Variants in SIN3A observed in about 807,000 individuals in gnomAD.
The protein encoded by SIN3A is paired amphipathic helix protein Sin3a.
In SIN3A, 14 loss-of-function variants were observed where a neutral mutation model predicts 146.1. That is an observed-to-expected ratio of 0.10 (90% CI 0.06 to 0.15). SIN3A has a LOEUF of 0.15. SIN3A is among the 10% of genes least tolerant of loss of function. The pLI is 1.00. For synonymous variants in SIN3A, 572 were observed against 572.0 expected (o/e 1.00, Z 0.00); for missense variants, 1,028 against 1,576.0 (o/e 0.65, Z 5.89).
At position 75,370,132 on chromosome 15, in the gene SIN3A, G is replaced by A. The variant is rs559796776; in HGVS notation, c.*1847C>T. 6.6e-6 allele frequency: 1 copy of A among 152,418 alleles called. No homozygotes were observed. Among genetic ancestry groups the A allele is most frequent in the South Asian group, 2.0e-4 (1 of 5,064 alleles). The allele number at this position is 152,418 out of a possible 1,614,324, so 9.4% of individuals were successfully genotyped here. A position where few individuals can be genotyped will look rare whatever the true frequency, so the allele number is the denominator to read the frequency against. On this transcript the variant is annotated 3_prime_UTR_variant, in exon 21 of 21. Transcript: ENST00000394947. ...GGGCGTGGTGGCATGCAGCTACTCA[G>A]GAGGCCGAGGTGGGAGGACTGCTTG...
intron 12 of SIN3A, 105 bp from the exon 13 acceptor site, chr15:75,396,601 C>A: frequency 1.3e-6 from 1 of 777,250 alleles, no homozygotes; most frequent in Non-Finnish European, 2.1e-6. Flanking sequence ...GGATTTGAAT[C>A]CTGGTTCTGC....
chr15:75,412,997 G>T lies in SIN3A; in HGVS notation c.522C>A (p.Gly174=). ...VISRVSQLFK[G]HPDLIMGFNT... is the part of the protein sequence containing the mutation. ...TGAATCCCATTATCAGATCGGGGTG[G>T]CCTTTGAATAGCTGGGACACACGAC... The change falls in exon 5 of 21, where the codon GGC becomes GGA. Residue 174 remains glycine (G), a synonymous_variant. Transcript: ENST00000394947. 1 of 1,614,016 alleles carries T rather than the reference G, an allele frequency of 6.2e-7. No individual in the cohort carries two copies. Among genetic ancestry groups the T allele is most frequent in the Non-Finnish European group, 8.5e-7 (1 of 1,179,964 alleles).
At chr15:75,374,553 A>G in intron 20 of SIN3A, among the ~76,000 whole-genome samples, 1 of 152,190 alleles carries the variant, frequency 6.6e-6, no homozygotes, top group Non-Finnish European at 1.5e-5. Context: ...ACTCCAAGCT[A>G]TCTTTGTCAA....
intron 12 of SIN3A, 72 bp downstream of exon 12, chr15:75,399,968 A>C: frequency 1.2e-6 from 1 of 843,316 alleles, no homozygotes; most frequent in African/African-American, 1.7e-5. Flanking sequence ...AATAACCCTC[A>C]GAGACAGGTA....
upstream of SIN3A, among the ~76,000 whole-genome samples, chr15:75,454,217 C>T (rs1208608499): frequency 1.3e-5 from 2 of 152,076 alleles, no homozygotes; most frequent in Non-Finnish European, 1.5e-5. Context: ...AGGCGGAGCT[C>T]GGGAGAATGT....
intron 16 of SIN3A, among the ~76,000 whole-genome samples, chr15:75,388,067 CA>C (rs1419604056): frequency 6.6e-6 from 1 of 152,142 alleles, no homozygotes; most frequent in Non-Finnish European, 1.5e-5. Flanking sequence ...AAAACCAAGG[CA>C]AAAGCATGGG....
intron 1 of SIN3A, among the ~76,000 whole-genome samples, chr15:75,437,268 G>A (rs2074124171): frequency 6.6e-6 from 1 of 151,836 alleles, no homozygotes; most frequent in Non-Finnish European, 1.5e-5. Context: ...AACCTCCTGG[G>A]CTCAAGTAAT....
At chr15:75,378,051 A>G (rs543332544) in intron 19 of SIN3A, among the ~76,000 whole-genome samples, 5 of 152,360 alleles carry the variant, frequency 3.3e-5, no homozygotes, top group African/African-American at 1.2e-4. Flanking sequence ...ACCTAGCGAT[A>G]GCGATATTAA....
At chr15:75,385,030 G>C (rs1255800800) in intron 16 of SIN3A, among the ~76,000 whole-genome samples, 1 of 152,082 alleles carries the variant, frequency 6.6e-6, no homozygotes, top group Non-Finnish European at 1.5e-5. Context: ...ACAAATAGCC[G>C]GGCGTGGTGG....
intron 1 of SIN3A, among the ~76,000 whole-genome samples, chr15:75,442,872 C>T (rs1032206230): frequency 3.6e-5 from 5 of 137,536 alleles, no homozygotes; most frequent in Admixed American, 1.6e-4. Flanking sequence ...GCGGAGGTTG[C>T]GGTGAGCCGA....
chr15:75,436,133 C>CAA (rs60381548), intron 1 of SIN3A, among the ~76,000 whole-genome samples: 40 of 138,768 alleles, frequency 2.9e-4, no homozygotes, highest in East Asian at 8.3e-4. Flanking sequence ...GACTCTGTCT[C>CAA]AAAAAAAAAA....
upstream of SIN3A, chr15:75,452,974 T>G (rs1297859926): frequency 6.6e-6 from 1 of 152,284 alleles, no homozygotes; most frequent in African/African-American, 2.4e-5. Context: ...TTTCAATTCC[T>G]AGTTTGCTTT....
At chr15:75,410,974 TC>T (rs2073627084) in intron 6 of SIN3A, among the ~76,000 whole-genome samples, 1 of 75,126 alleles carries the variant, frequency 1.3e-5, no homozygotes, top group Admixed American at 1.2e-4. Flanking sequence ...AAACTCTGTC[TC>T]AAAAAAAAAA....
chr15:75,438,943 A>T (rs1184269807), intron 1 of SIN3A, among the ~76,000 whole-genome samples: 1 of 152,208 alleles, frequency 6.6e-6, no homozygotes, highest in Admixed American at 6.5e-5. Flanking sequence ...CTAAGAAAGA[A>T]TCTATTACAG....
rs1034277066 is a variant in SIN3A, at chr15:75,371,055, T to A, written c.*924A>T. Reference sequence around the variant, plus strand: ...TAACTCCCTTTGGTAAAAAGTGTAATAAATGTCTTGTACATCTGTTCATAG... The same window carrying A: ...TAACTCCCTTTGGTAAAAAGTGTAAAAAATGTCTTGTACATCTGTTCATAG... On this transcript the variant is annotated 3_prime_UTR_variant, in exon 21 of 21. Transcript: ENST00000394947. 1 of 152,240 alleles carries A rather than the reference T, an allele frequency of 6.6e-6. No homozygotes were observed. The highest frequency in any genetic ancestry group is 2.4e-5 in the African/African-American group (1 of 41,314). The allele number at this position is 152,240 out of a possible 1,614,324, so 9.4% of individuals were successfully genotyped here.
At chr15:75,442,120 C>CAAAAAAAAAA (rs57418865) in intron 1 of SIN3A, among the ~76,000 whole-genome samples, 1 of 29,278 alleles carries the variant, frequency 3.4e-5, no homozygotes, top group Non-Finnish European at 5.3e-5. Flanking sequence ...GACTCTGTCT[C>CAAAAAAAAAA]AAAAAAAAAA....
chr15:75,377,458 C>G (rs1283423596), intron 19 of SIN3A, among the ~76,000 whole-genome samples: 1 of 151,866 alleles, frequency 6.6e-6, no homozygotes, highest in Non-Finnish European at 1.5e-5. Context: ...GACCTCATCT[C>G]TAATAAAAGT....
intron 3 of SIN3A, chr15:75,421,829 A>G (rs1201538628): frequency 3.3e-5 from 5 of 152,256 alleles, no homozygotes; most frequent in Non-Finnish European, 5.9e-5. Context: ...TCAAGTGGTC[A>G]GAGATACAAG....
Position 75,375,716 on chromosome 15 carries a change from G to T in SIN3A, c.3540C>A (p.Ile1180=), listed in dbSNP as rs1418463307. Residue 1180 remains isoleucine, a synonymous_variant, in exon 20 of 21, where the codon ATC becomes ATA. Transcript: ENST00000394947. ...TCCGATACATATAGTCCTCTGATTTGATCACATACACCATCTTGTAGGAAT... is the reference window on the plus strand; with the variant it reads ...TCCGATACATATAGTCCTCTGATTTTATCACATACACCATCTTGTAGGAAT... ...KLNSYKMVYV[I]KSEDYMYRRT... 1.2e-6 allele frequency: 2 copies of T among 1,614,160 alleles called. No homozygotes were observed. Among genetic ancestry groups the T allele is most frequent in the Non-Finnish European group, 1.7e-6 (2 of 1,180,012 alleles).
Sources: gnomAD v4.1 joint callset for allele counts (sites outside exome capture counted in the v4.1 genomes callset) on GRCh38, gnomAD v4.1.1 for gene constraint, MANE v1.5 for transcripts, NCBI Gene and HGNC (gene_info 2026-07-23, HGNC 2026-07-21) for gene names.